The following ITGA1 variants were observed in gnomAD, a reference collection of about 807,000 sequenced individuals.
The protein encoded by ITGA1 is integrin subunit alpha 1, also known as integrin alpha-1.
Under a neutral mutation model 145.9 loss-of-function variants are expected in ITGA1, and 85 were observed. The observed-to-expected ratio is 0.58, with a 90% CI of 0.49 to 0.70. The LOEUF is 0.70. ITGA1 is among the 30% of genes least tolerant of loss of function. The pLI is 0.00. For synonymous variants in ITGA1, 520 were observed against 495.3 expected, an observed-to-expected ratio of 1.05 and a Z score of -0.66; for missense variants, 1,351 against 1,418.7, an observed-to-expected ratio of 0.95 and a Z score of 0.77.
At chr5:52,872,200 C>A (rs1041601611) in intron 6 of ITGA1, among the ~76,000 whole-genome samples, 5 of 152,036 alleles carry the variant, frequency 3.3e-5, no homozygotes, top group African/African-American at 1.2e-4. Flanking sequence ...GATTTTATGG[C>A]CATTTCCCTA....
At chr5:52,877,094 G>A (rs1749878842) in intron 6 of ITGA1, among the ~76,000 whole-genome samples, 1 of 152,108 alleles carries the variant, frequency 6.6e-6, no homozygotes, top group South Asian at 2.1e-4. Flanking sequence ...GTAGCTTGAA[G>A]TTTTATCTAT....
At chr5:52,838,760 G>T (rs998477378) in intron 1 of ITGA1, among the ~76,000 whole-genome samples, 2 of 152,066 alleles carry the variant, frequency 1.3e-5, no homozygotes, top group African/African-American at 4.8e-5. Flanking sequence ...AAATAATGTG[G>T]TAGATAACTT....
At position 52,916,499 on chromosome 5, in the gene ITGA1, T is replaced by A. The variant is rs186207429; in HGVS notation, c.1988+905T>A. On this transcript the variant is annotated intron_variant, in intron 15 of 28. Coordinates refer to ENST00000282588, the MANE Select transcript of ITGA1 (RefSeq NM_181501.2). ...ATAAAGTATAAAAGAAAGGTGAAGA[T>A]AGAGAGGTGAAAATAGATGACTTTG... Among the ~76,000 whole-genome samples, 236 of 152,080 alleles carry A rather than the reference T, an allele frequency of 1.6e-3. 2 individuals carry two copies. The South Asian group carries it at 0.034, about 22-fold the overall frequency.
In ITGA1 at chr5:52,860,963, T is replaced by G. The variant is rs560540635; in HGVS notation, c.183-484T>G. Among the ~76,000 whole-genome samples the G allele has an allele frequency of 2.0e-5, 3 of 152,336 alleles. No individual in the cohort carries two copies. The South Asian group carries it at 6.2e-4, about 32-fold the overall frequency. ...CTTATGATGTTCCAATGTTTATATT[T>G]CCTGACTTCTCTATAAAATTAGCAG... On this transcript the variant is annotated intron_variant, in intron 2 of 28. Transcript: ENST00000282588.
chr5:52,857,504 C>T (rs1003771409), intron 2 of ITGA1, among the ~76,000 whole-genome samples: 16 of 151,842 alleles, frequency 1.1e-4, no homozygotes, highest in Non-Finnish European at 1.9e-4. Flanking sequence ...TAACACTGCC[C>T]ATCTCCCTCA....
At position 52,908,925 on chromosome 5, in the gene ITGA1, A is replaced by G. The variant is rs779348635; in HGVS notation, c.1483A>G (p.Thr495Ala). 4 of 1,613,722 alleles carry G rather than the reference A, an allele frequency of 2.5e-6. No individual in the cohort carries two copies. Among genetic ancestry groups the G allele is most frequent in the South Asian group, 1.1e-5 (1 of 91,086 alleles). The change falls in exon 13 of 29, where the codon ACA becomes GCA. Residue 495 changes from threonine to alanine, a missense_variant. By Grantham distance (58) the Thr-to-Ala change is moderately conservative. Coordinates refer to ENST00000282588, the MANE Select transcript of ITGA1 (RefSeq NM_181501.2). Reference sequence around the variant, plus strand: ...TGGTTCCTACTTTGGCAGTATTTTAACAACAACTGACATTGACAAGGATTC... The same window carrying G: ...TGGTTCCTACTTTGGCAGTATTTTAGCAACAACTGACATTGACAAGGATTC... ...QIGSYFGSILTTTDIDKDSNT... is the reference protein window; with the variant it reads ...QIGSYFGSILATTDIDKDSNT...
rs1186091762 is a variant in ITGA1, at chr5:52,788,346, C to T, written c.-8C>T. 1 of 1,504,420 alleles carries T rather than the reference C, an allele frequency of 6.6e-7. No homozygotes were observed. The highest frequency in any genetic ancestry group is 2.7e-5 in the East Asian group (1 of 36,412). The allele number at this position is 1,504,420 out of a possible 1,614,324, so 93.2% of individuals were successfully genotyped here. On this transcript the variant is annotated 5_prime_UTR_variant, in exon 1 of 29. Coordinates refer to ENST00000282588, the MANE Select transcript of ITGA1 (RefSeq NM_181501.2). ...GCGCGGCCCCCTGGCGCTGAGGCTG[C>T]TCCGGCCATGGCCCCTCGGCCCCGC...
At chr5:52,911,993 TG>T (rs1750556298) in intron 14 of ITGA1, among the ~76,000 whole-genome samples, 3 of 91,104 alleles carry the variant, frequency 3.3e-5, no homozygotes, top group Non-Finnish European at 6.0e-5. Context: ...ATATGTATAG[TG>T]TGTATCTACT....
rs758022250 is a variant in ITGA1, at chr5:52,910,388, G to T, written c.1826G>T (p.Ser609Ile). ...HGGAVYIYHG[S>I]GKTIRKEYAQ... ...GGAGCTGTGTACATTTATCATGGAA[G>T]TGGCAAGACTATAAGGAAAGAGTAT... The change falls in exon 14 of 29, where the codon AGT becomes ATT. Residue 609 changes from serine to isoleucine, a missense_variant. Physicochemically the swap from Ser to Ile is moderately radical, Grantham distance 142. Coordinates refer to ENST00000282588, the MANE Select transcript of ITGA1 (RefSeq NM_181501.2). 6.4e-5 allele frequency: 103 copies of T among 1,613,564 alleles called. No homozygotes were observed. Among genetic ancestry groups the T allele is most frequent in the Non-Finnish European group, 8.6e-5 (102 of 1,179,784 alleles).
chr5:52,866,238 A>T (rs1488538596), intron 6 of ITGA1, among the ~76,000 whole-genome samples: 3 of 151,916 alleles, frequency 2.0e-5, no homozygotes, highest in African/African-American at 7.3e-5. Context: ...CTGGTCTCAA[A>T]CTCCTAGCCT....
intron 1 of ITGA1, chr5:52,800,088 G>A (rs1026500015): frequency 8.3e-6 from 3 of 362,566 alleles, no homozygotes; most frequent in Non-Finnish European, 1.5e-5. Flanking sequence ...GGCTGCGCAT[G>A]CGCCTTCATT....
chr5:52,893,909 A>T, intron 9 of ITGA1, 69 bp downstream of exon 9: 2 of 1,169,224 alleles, frequency 1.7e-6, no homozygotes, highest in Non-Finnish European at 1.2e-6. Flanking sequence ...GGATTTTTGT[A>T]TTTATTCCTA....
chr5:52,930,865 T>C (rs73754070), intron 21 of ITGA1, among the ~76,000 whole-genome samples: 2,021 of 152,254 alleles, frequency 0.013, 31 homozygotes, highest in African/African-American at 0.039. Flanking sequence ...TATTTCTTAA[T>C]TGAACAGACC....
chr5:52,866,634 G>T (rs558082770), intron 6 of ITGA1, among the ~76,000 whole-genome samples: 42 of 152,184 alleles, frequency 2.8e-4, no homozygotes, highest in African/African-American at 9.9e-4. Context: ...AATGCCCCTG[G>T]CTATCTCTGC....
At chr5:52,828,371 C>A (rs1162638146) in intron 1 of ITGA1, among the ~76,000 whole-genome samples, 1 of 152,018 alleles carries the variant, frequency 6.6e-6, no homozygotes, top group Non-Finnish European at 1.5e-5. Context: ...GAAGTGATAT[C>A]CCATTGGGGT....
chr5:52,910,566 T>C, intron 14 of ITGA1, 147 bp downstream of exon 14: 2 of 753,714 alleles, frequency 2.7e-6, no homozygotes, highest in Non-Finnish European at 4.2e-6. Context: ...GTGTTTTTTA[T>C]AGATTAGTTA....
chr5:52,866,954 G>T (rs185159633), intron 6 of ITGA1: 8 of 151,816 alleles, frequency 5.3e-5, no homozygotes, highest in Non-Finnish European at 8.8e-5. Context: ...GTGTGGTTTG[G>T]AGGCTGTAGA....
chr5:52,839,152 AT>A (rs763133173), intron 1 of ITGA1, among the ~76,000 whole-genome samples: 14 of 151,920 alleles, frequency 9.2e-5, no homozygotes, highest in Non-Finnish European at 1.3e-4. Context: ...AATTTAATAG[AT>A]TTTTTCATAT....
chr5:52,841,982 A>G (rs2111739276), intron 1 of ITGA1, among the ~76,000 whole-genome samples: 1 of 152,220 alleles, frequency 6.6e-6, no homozygotes, highest in Admixed American at 6.5e-5. Flanking sequence ...TAGAGCTCAT[A>G]CTTTCTAGAT....
Sources: allele counts gnomAD v4.1 joint callset (sites outside exome capture counted in the v4.1 genomes callset), GRCh38; gene constraint gnomAD v4.1.1; transcripts MANE v1.5; gene names NCBI Gene and HGNC (gene_info 2026-07-23, HGNC 2026-07-21).